ADCY10: variants seen among roughly 807,000 people sequenced by gnomAD.
The protein encoded by ADCY10 is adenylate cyclase 10.
A neutral mutation model predicts 183.3 loss-of-function variants in ADCY10; 156 were observed. The observed-to-expected ratio is 0.85, with a 90% CI of 0.75 to 0.97. ADCY10 has a LOEUF of 0.97. Among genes scored for constraint, ADCY10 ranks in the 50% least tolerant of loss-of-function variants. The pLI is 0.00. For missense variants in ADCY10, 1,745 were observed against 1,934.3 expected, an observed-to-expected ratio of 0.90 and a Z score of 1.84; for synonymous variants, 645 against 670.0, an observed-to-expected ratio of 0.96 and a Z score of 0.58.
At chr1:167,864,784 C>T (rs203806) in intron 14 of ADCY10, among the ~76,000 whole-genome samples, 28,496 of 151,656 alleles carry the variant, frequency 0.19, 2,785 homozygotes, top group Middle Eastern at 0.27. Context: ...TTAGTGTAAA[C>T]AAGGGCGTAT....
At position 167,902,015 on chromosome 1, in the gene ADCY10, C is replaced by A; in HGVS notation, c.292+1G>T. 1 of 1,613,548 alleles carries A rather than the reference C, an allele frequency of 6.2e-7. No homozygotes were observed. The highest frequency in any genetic ancestry group is 8.5e-7 in the Non-Finnish European group (1 of 1,179,930). On this transcript the variant is annotated splice_donor_variant, in intron 4 of 32. Coordinates refer to ENST00000367851, the MANE Select transcript of ADCY10 (RefSeq NM_018417.6). LOFTEE classifies it high-confidence loss of function. ...CCTTCTATCTTAGTAAGCCCCCATACCTGCAAATTTCAGGATGTCTCCTCC... is the reference window on the plus strand; with the variant it reads ...CCTTCTATCTTAGTAAGCCCCCATAACTGCAAATTTCAGGATGTCTCCTCC...
At chr1:167,835,391 A>G (rs1363753505) in intron 23 of ADCY10, among the ~76,000 whole-genome samples, 1 of 152,216 alleles carries the variant, frequency 6.6e-6, no homozygotes, top group Non-Finnish European at 1.5e-5. Context: ...GTGATTTCCA[A>G]CTTACTTAAC....
Position 167,899,137 on chromosome 1 carries a change from G to A in ADCY10, c.642+286C>T, listed in dbSNP as rs370574764. 8.5e-4 allele frequency among the ~76,000 whole-genome samples: 129 copies of A among 152,214 alleles called. 1 individual carries two copies. The South Asian group carries it at 0.024, about 29-fold the overall frequency. On this transcript the variant is annotated intron_variant, in intron 6 of 32. Transcript: ENST00000367851. ...CTGGATGAACCGGCAGACCCTTCTGGTTCCTTAAGCAAGGTCGCTAGCCCC... is the reference window on the plus strand; with the variant it reads ...CTGGATGAACCGGCAGACCCTTCTGATTCCTTAAGCAAGGTCGCTAGCCCC...
chr1:167,863,740 C>G (rs1666464821), intron 14 of ADCY10, among the ~76,000 whole-genome samples: 1 of 152,244 alleles, frequency 6.6e-6, no homozygotes, highest in Non-Finnish European at 1.5e-5. Context: ...GGTGGGACAC[C>G]TCGCCAGAGC....
At chr1:167,899,345 G>T in intron 6 of ADCY10, 78 bp downstream of exon 6, 4 of 1,410,806 alleles carry the variant, frequency 2.8e-6, no homozygotes, top group Non-Finnish European at 4.0e-6. Context: ...TGAAACCAGC[G>T]TGCCCAGTGA....
At chr1:167,821,520 GC>G (rs1662909071) in intron 30 of ADCY10, among the ~76,000 whole-genome samples, 1 of 152,232 alleles carries the variant, frequency 6.6e-6, no homozygotes, top group Non-Finnish European at 1.5e-5. Flanking sequence ...CAAGAGGCCT[GC>G]CTCCATGTGA....
In ADCY10 at chr1:167,905,214, A is replaced by C. The variant is rs1669732783; in HGVS notation, c.-58-16T>G. ...AATAGGTCTTCTAAAAAGAAAATTG[A>C]AATAGAGGAAATCTGATATATTCAT... On this transcript the variant is annotated splice_polypyrimidine_tract_variant and intron_variant, in intron 1 of 32. Coordinates refer to ENST00000367851, the MANE Select transcript of ADCY10 (RefSeq NM_018417.6). The C allele has an allele frequency of 3.3e-6, 5 of 1,503,670 alleles. No homozygotes were observed. The highest frequency in any genetic ancestry group is 1.4e-5 in the African/African-American group (1 of 72,816). 93.1% of individuals were successfully genotyped at this position (1,503,670 alleles called of 1,614,324 possible).
At chr1:167,821,949 AGATTTTTCAAG>A in intron 30 of ADCY10, 64 bp downstream of exon 30, 1 of 1,045,900 alleles carries the variant, frequency 9.6e-7, no homozygotes, top group Non-Finnish European at 1.5e-6. Flanking sequence ...ACTTTCTAAA[AGATTTTTCAAG>A]AACTCTTCCT....
chr1:167,895,520 G>C (rs1269547246), intron 7 of ADCY10, among the ~76,000 whole-genome samples: 1 of 152,194 alleles, frequency 6.6e-6, no homozygotes, highest in Non-Finnish European at 1.5e-5. Context: ...TTCTCACTTG[G>C]ATGGAGTTTT....
At chr1:167,887,466 G>A (rs997533794) in intron 8 of ADCY10, among the ~76,000 whole-genome samples, 1 of 152,078 alleles carries the variant, frequency 6.6e-6, no homozygotes, top group Non-Finnish European at 1.5e-5. Context: ...AACACCACAT[G>A]TTCTCACTCA....
At chr1:167,871,433 A>G (rs1169020481) in intron 13 of ADCY10, among the ~76,000 whole-genome samples, 1 of 152,238 alleles carries the variant, frequency 6.6e-6, no homozygotes, top group African/African-American at 2.4e-5. Flanking sequence ...AAAAGAAAAA[A>G]ATAAAAATCA....
At chr1:167,896,442 C>T (rs999907633) in intron 7 of ADCY10, among the ~76,000 whole-genome samples, 153 bp downstream of exon 7, 9 of 151,832 alleles carry the variant, frequency 5.9e-5, no homozygotes, top group Admixed American at 1.3e-4. Context: ...ATTGCTGTCC[C>T]GGAGAATGGG....
At chr1:167,820,599 A>G (rs575519670) in intron 30 of ADCY10, 2 of 212,132 alleles carry the variant, frequency 9.4e-6, no homozygotes, top group Non-Finnish European at 1.8e-5. Flanking sequence ...TGGCAAGAGT[A>G]ATCAATTTTT....
At chr1:167,835,773 C>A (rs1224660438) in intron 23 of ADCY10, among the ~76,000 whole-genome samples, 1 of 152,066 alleles carries the variant, frequency 6.6e-6, no homozygotes, top group Non-Finnish European at 1.5e-5. Flanking sequence ...GTCTGCAGTC[C>A]CAGCTACTCA....
intron 4 of ADCY10, 81 bp downstream of exon 4, chr1:167,901,934 AT>A (rs1669456650): frequency 6.2e-7 from 1 of 1,605,744 alleles, no homozygotes; most frequent in African/African-American, 1.3e-5. Context: ...CTTCTCTAGG[AT>A]GCCTCCTTTG....
At chr1:167,847,991 T>C (rs1665170387) in intron 19 of ADCY10, among the ~76,000 whole-genome samples, 1 of 152,232 alleles carries the variant, frequency 6.6e-6, no homozygotes, top group African/African-American at 2.4e-5. Context: ...GTTTTTCTTT[T>C]TCCTTTTAAA....
chr1:167,810,581 AGTAG>A (rs1485863079), intron 32 of ADCY10, 140 bp downstream of exon 32: 1 of 780,690 alleles, frequency 1.3e-6, no homozygotes, highest in Non-Finnish European at 2.2e-6. Flanking sequence ...AAAACTGAGC[AGTAG>A]GTTTCTATTG....
chr1:167,905,040 G>T lies in ADCY10; in HGVS notation c.101C>A (p.Pro34His). Residue 34 changes from proline to histidine, a missense_variant, in exon 2 of 33, where the codon CCC becomes CAC. Coordinates refer to ENST00000367851, the MANE Select transcript of ADCY10 (RefSeq NM_018417.6). ...GACTCCGTCAAAATAATCCATAAAG[G>T]GTCGCTCTGGGGAGAAATGTCCATA... ...IVYGHFSPER[P>H]FMDYFDGVLM... is the part of the protein sequence containing the mutation. The T allele has an allele frequency of 6.2e-7, 1 of 1,614,132 alleles. No homozygotes were observed. Among genetic ancestry groups the T allele is most frequent in the Non-Finnish European group, 8.5e-7 (1 of 1,180,032 alleles).
intron 23 of ADCY10, chr1:167,834,490 T>G: frequency 7.5e-6 from 2 of 266,042 alleles, no homozygotes; most frequent in Non-Finnish European, 1.5e-5. Context: ...GTCTTCAGTT[T>G]TTAAATGAAT....
Sources: allele counts gnomAD v4.1 joint callset (sites outside exome capture counted in the v4.1 genomes callset), GRCh38; gene constraint gnomAD v4.1.1; transcripts MANE v1.5; gene names NCBI Gene and HGNC (gene_info 2026-07-23, HGNC 2026-07-21).